BCAP29: variants seen among roughly 807,000 people sequenced by gnomAD.
BCAP29 encodes B cell receptor associated protein 29, also known as B-cell receptor-associated protein 29.
Under a neutral mutation model 31.8 loss-of-function variants are expected in BCAP29, and 34 were observed. The observed-to-expected ratio is 1.07, with a 90% CI of 0.81 to 1.42. The LOEUF (loss-of-function observed/expected upper bound fraction) is 1.42, where lower values mean the gene tolerates loss of function less well. BCAP29 is among the 40% of genes most tolerant of loss of function. BCAP29 has a pLI of 0.00. For missense variants in BCAP29, 314 were observed against 269.2 expected (o/e 1.17, Z -1.16); for synonymous variants, 104 against 91.3 (o/e 1.14, Z -0.79).
rs1270087223 is a variant in BCAP29 at position 107,619,396 on chromosome 7, T to A, written c.*1033T>A. The A allele has an allele frequency of 1.3e-5, 2 of 152,372 alleles. No homozygotes were observed. Among genetic ancestry groups the A allele is most frequent in the East Asian group, 3.8e-4 (2 of 5,204 alleles). 9.4% of individuals were successfully genotyped at this position (152,372 alleles called of 1,614,324 possible). A position where few individuals can be genotyped will look rare whatever the true frequency, so the allele number is the denominator to read the frequency against. ...TTTCATTTGTTCCAGTGTTTAGACA[T>A]GAAATCATCTTCCTTGTCTCATGAA... On this transcript the variant is annotated 3_prime_UTR_variant, in exon 8 of 8. Transcript: ENST00000005259.
intron 2 of BCAP29, among the ~76,000 whole-genome samples, chr7:107,583,315 T>C (rs971514733): frequency 6.6e-6 from 1 of 152,068 alleles, no homozygotes; most frequent in Non-Finnish European, 1.5e-5. Context: ...TATATATATA[T>C]AGTGTGTGTG....
chr7:107,602,026 A>T (rs80083799), intron 6 of BCAP29, among the ~76,000 whole-genome samples: 4,418 of 152,292 alleles, frequency 0.029, 211 homozygotes, highest in African/African-American at 0.1. Context: ...TTACATGAGC[A>T]TTTCTTTAAA....
chr7:107,583,089 C>A (rs1806998470), intron 2 of BCAP29, among the ~76,000 whole-genome samples: 1 of 151,966 alleles, frequency 6.6e-6, no homozygotes, highest in African/African-American at 2.4e-5. Flanking sequence ...CATTTTTCTG[C>A]CTCCTTTCAA....
intron 6 of BCAP29, among the ~76,000 whole-genome samples, chr7:107,600,971 G>T (rs773817226): frequency 1.1e-4 from 17 of 152,164 alleles, no homozygotes; most frequent in Non-Finnish European, 2.1e-4. Flanking sequence ...CACAGAGTAG[G>T]CAACAATATC....
At chr7:107,590,991 T>C (rs1279960454) in intron 3 of BCAP29, among the ~76,000 whole-genome samples, 1 of 152,054 alleles carries the variant, frequency 6.6e-6, no homozygotes, top group African/African-American at 2.4e-5. Context: ...CAGTAAACAA[T>C]AGGCAAATGA....
At chr7:107,589,924 A>C (rs564705254) in intron 3 of BCAP29, among the ~76,000 whole-genome samples, 42 of 152,210 alleles carry the variant, frequency 2.8e-4, no homozygotes, top group Non-Finnish European at 5.6e-4. Flanking sequence ...CTGGGATTAC[A>C]GATGAGAGCT....
chr7:107,600,377 T>C lies in BCAP29; in HGVS notation c.481-20T>C, dbSNP rs771911477. The stretch of plus-strand genomic sequence containing the variant: ...ATTGCAATCTAAGCTTATTTCTTCC[T>C]GTATCTCCTTTTGCAATAGATTTTG... On this transcript the variant is annotated intron_variant, in intron 5 of 7. Transcript: ENST00000005259. 7.6e-6 allele frequency: 11 copies of C among 1,440,338 alleles called. No homozygotes were observed. The highest frequency in any genetic ancestry group is 1.1e-5 in the Non-Finnish European group (11 of 1,025,326). 89.2% of individuals were successfully genotyped at this position (1,440,338 alleles called of 1,614,324 possible).
chr7:107,592,060 T>C (rs1369745413), intron 3 of BCAP29, among the ~76,000 whole-genome samples: 1 of 152,122 alleles, frequency 6.6e-6, no homozygotes. Context: ...GTGCTGGGAT[T>C]ACAGGTGTTA....
intron 3 of BCAP29, among the ~76,000 whole-genome samples, chr7:107,586,370 GT>G (rs1457543813): frequency 2.0e-5 from 3 of 152,088 alleles, no homozygotes; most frequent in African/African-American, 4.8e-5. Flanking sequence ...AACCAGGAAG[GT>G]CACAAGGGAG....
intron 1 of BCAP29, 187 bp from the exon 2 acceptor site, chr7:107,580,572 A>G (rs1407730171): frequency 5.9e-6 from 3 of 510,408 alleles, no homozygotes; most frequent in Non-Finnish European, 6.8e-6. Context: ...CACGACTCCC[A>G]GGGAGGTGGC....
At chr7:107,604,613 G>A (rs1387179160) in intron 6 of BCAP29, among the ~76,000 whole-genome samples, 1 of 150,846 alleles carries the variant, frequency 6.6e-6, no homozygotes, top group Non-Finnish European at 1.5e-5. Context: ...AAAGCCCCCA[G>A]CTTATTTTAA....
At chr7:107,618,229 G>A (rs1814539265) in intron 7 of BCAP29, 99 bp from the exon 8 acceptor site, 1 of 780,782 alleles carries the variant, frequency 1.3e-6, no homozygotes, top group South Asian at 2.7e-5. Flanking sequence ...ATTCTCATAA[G>A]TATACATAGA....
At chr7:107,607,505 T>C (rs1257445692) in intron 6 of BCAP29, among the ~76,000 whole-genome samples, 1 of 151,586 alleles carries the variant, frequency 6.6e-6, no homozygotes, top group Non-Finnish European at 1.5e-5. Flanking sequence ...ATCCTTTCAA[T>C]TTAAATATAT....
chr7:107,614,992 G>A (rs965676324), intron 7 of BCAP29, among the ~76,000 whole-genome samples: 1 of 152,212 alleles, frequency 6.6e-6, no homozygotes, highest in African/African-American at 2.4e-5. Context: ...TGAGATTAGG[G>A]TTTACTCAGC....
At chr7:107,613,088 C>T (rs1813522819) in intron 6 of BCAP29, among the ~76,000 whole-genome samples, 1 of 152,038 alleles carries the variant, frequency 6.6e-6, no homozygotes, top group South Asian at 2.1e-4. Context: ...TATTTTGTTT[C>T]TGGGAAATAC....
chr7:107,603,718 G>A (rs1006599404), intron 6 of BCAP29, among the ~76,000 whole-genome samples: 1 of 148,542 alleles, frequency 6.7e-6, no homozygotes, highest in Non-Finnish European at 1.5e-5. Context: ...AGATCCTCCC[G>A]CCTCAGCCTC....
intron 1 of BCAP29, 128 bp from the exon 2 acceptor site, chr7:107,580,631 T>C: frequency 1.6e-6 from 1 of 639,974 alleles, no homozygotes; most frequent in Non-Finnish European, 2.7e-6. Flanking sequence ...CCGGGGTCCG[T>C]GCTTGCCTTC....
Position 107,603,935 on chromosome 7 carries a change from ATTC to A in BCAP29, c.589+3431_589+3433del, listed in dbSNP as rs550034214. ...AATTTTTAAAAGAACTTTTCAAGTA[ATTC>A]AGTCGTTGTAAAGTCATTTAATGTG... On this transcript the variant is annotated intron_variant, in intron 6 of 7. Transcript: ENST00000005259. Among the ~76,000 whole-genome samples the A allele has an allele frequency of 1.9e-3, 286 of 152,252 alleles. 2 individuals carry two copies. The highest frequency in any genetic ancestry group is 6.7e-3 in the African/African-American group (278 of 41,544).
rs542480395 is a variant in BCAP29 at position 107,593,818 on chromosome 7, C to T, written c.194-137C>T. 66 of 767,836 alleles carry T rather than the reference C, an allele frequency of 8.6e-5. No homozygotes were observed. In the African/African-American group the frequency reaches 9.1e-4, roughly 11 times the overall value. The allele number at this position is 767,836 out of a possible 1,614,324, so 47.6% of individuals were successfully genotyped here. On this transcript the variant is annotated intron_variant, in intron 3 of 7. Coordinates refer to ENST00000005259, the MANE Select transcript of BCAP29 (RefSeq NM_018844.4). ...ATGAAAAGTTCCCGGGTACTGTAGA[C>T]GGAATGACATAAAGGTCGCCTCTGC...
Sources: gnomAD v4.1 joint callset for allele counts (sites outside exome capture counted in the v4.1 genomes callset) on GRCh38, gnomAD v4.1.1 for gene constraint, MANE v1.5 for transcripts, NCBI Gene and HGNC (gene_info 2026-07-23, HGNC 2026-07-21) for gene names.